Variants in PTPRE observed in about 807,000 individuals in gnomAD.
PTPRE encodes receptor-type tyrosine-protein phosphatase epsilon.
Under a neutral mutation model 102.0 loss-of-function variants are expected in PTPRE, and 51 were observed. The observed-to-expected ratio is 0.50, with a 90% confidence interval of 0.40 to 0.63. The LOEUF (loss-of-function observed/expected upper bound fraction) is 0.63, where lower values mean the gene tolerates loss of function less well. Ranked by LOEUF, PTPRE falls within the 30% of genes least tolerant of loss-of-function variation. The pLI, the probability that PTPRE is intolerant of heterozygous loss-of-function variation, is 0.00. For synonymous variants in PTPRE, 345 were observed against 348.2 expected, an observed-to-expected ratio of 0.99 and a Z score of 0.10; for missense variants, 752 against 915.1, an observed-to-expected ratio of 0.82 and a Z score of 2.30.
intron 1 of PTPRE, among the ~76,000 whole-genome samples, chr10:127,963,399 A>G (rs1252726306): frequency 1.9e-4 from 29 of 152,074 alleles, no homozygotes. Flanking sequence ...ACTGTATGTA[A>G]TTTACATCCT....
intron 1 of PTPRE, among the ~76,000 whole-genome samples, chr10:127,928,298 A>C (rs55638092): frequency 0.16 from 25,009 of 152,188 alleles, 3,219 homozygotes; most frequent in African/African-American, 0.36. Flanking sequence ...TTATCTGGTC[A>C]TCTCTGTGCC....
intron 1 of PTPRE, among the ~76,000 whole-genome samples, chr10:127,945,287 T>C (rs1429392860): frequency 1.3e-5 from 2 of 152,052 alleles, no homozygotes; most frequent in African/African-American, 4.8e-5. Flanking sequence ...GTGAGAGGGG[T>C]GACTTGCGGA....
chr10:128,077,830 C>T (rs1482598482), intron 19 of PTPRE, 47 bp downstream of exon 19: 3 of 1,547,542 alleles, frequency 1.9e-6, no homozygotes, highest in Admixed American at 1.8e-5. Context: ...ACACAGGCTG[C>T]ACCCCCCCAG....
chr10:127,909,123 C>G (rs1845689177), intron 1 of PTPRE, among the ~76,000 whole-genome samples: 1 of 152,204 alleles, frequency 6.6e-6, no homozygotes, highest in Admixed American at 6.5e-5. Flanking sequence ...ACCGCCACCT[C>G]CACGGAAGCC....
chr10:127,918,613 G>A (rs1208271988), intron 1 of PTPRE, among the ~76,000 whole-genome samples: 2 of 152,006 alleles, frequency 1.3e-5, no homozygotes, highest in Admixed American at 1.3e-4. Context: ...AATTATTGAA[G>A]GAGCTTGGGG....
intron 1 of PTPRE, among the ~76,000 whole-genome samples, chr10:127,940,625 A>C (rs1382694670): frequency 6.6e-6 from 1 of 152,194 alleles, no homozygotes; most frequent in African/African-American, 2.4e-5. Context: ...CACACAGCTG[A>C]GTCCCAGATG....
chr10:128,060,243 CCACACACACCACACACACAATA>C (rs1849445337), intron 7 of PTPRE, among the ~76,000 whole-genome samples: 1 of 150,062 alleles, frequency 6.7e-6, no homozygotes, highest in Non-Finnish European at 1.5e-5. Context: ...ACATACACAA[CCACACACACCACACACACAATA>C]CACACACACC....
intron 1 of PTPRE, among the ~76,000 whole-genome samples, chr10:127,977,391 A>C (rs144205671): frequency 2.6e-5 from 4 of 152,388 alleles, no homozygotes; most frequent in African/African-American, 7.2e-5. Flanking sequence ...ACATGTTAAA[A>C]TAAAATGTAA....
intron 2 of PTPRE, among the ~76,000 whole-genome samples, chr10:127,983,993 C>T (rs1419064447): frequency 6.6e-6 from 1 of 152,138 alleles, no homozygotes; most frequent in Non-Finnish European, 1.5e-5. Flanking sequence ...CTGCATCCAC[C>T]ACGGGTAGTT....
In PTPRE at chr10:128,003,864, AG is replaced by A. The variant is rs931535248; in HGVS notation, c.-8+21572del. Among the ~76,000 whole-genome samples the A allele has an allele frequency of 8.5e-4, 129 of 152,254 alleles. 1 individual carries two copies. The highest frequency in any genetic ancestry group is 3.0e-3 in the African/African-American group (125 of 41,546). On this transcript the variant is annotated intron_variant, in intron 2 of 20. Coordinates refer to ENST00000254667, the MANE Select transcript of PTPRE (RefSeq NM_006504.6). ...AAGTTTAGCAATTGGAAGCCTTTGC[AG>A]GGGCCTCATGGATGCCCATTCGGAT...
intron 1 of PTPRE, among the ~76,000 whole-genome samples, chr10:127,958,449 A>G (rs1849558294): frequency 6.6e-6 from 1 of 152,228 alleles, no homozygotes; most frequent in Non-Finnish European, 1.5e-5. Flanking sequence ...ATCTGTTGAT[A>G]TAATCTTGTG....
Position 128,076,731 on chromosome 10 carries a change from ATTG to A in PTPRE, c.1725+7_1725+9del, listed in dbSNP as rs1280991668. The A allele has an allele frequency of 6.2e-7, 1 of 1,611,004 alleles. No homozygotes were observed. Among genetic ancestry groups the A allele is most frequent in the Non-Finnish European group, 8.5e-7 (1 of 1,179,214 alleles). On this transcript the variant is annotated splice_donor_5th_base_variant and intron_variant, in intron 18 of 20. Coordinates refer to ENST00000254667, the MANE Select transcript of PTPRE (RefSeq NM_006504.6). ...ACTTTCTGGTCACTCTCAATCAGGT[ATTG>A]TTGAAGTAGCTCTTTAAACGCTTGT...
chr10:128,036,576 C>G (rs551643120), intron 2 of PTPRE, among the ~76,000 whole-genome samples: 41 of 152,196 alleles, frequency 2.7e-4, no homozygotes, highest in African/African-American at 9.4e-4. Flanking sequence ...CCTAGAGCCC[C>G]CATTGTCCTT....
chr10:127,973,029 G>A (rs1429943182), intron 1 of PTPRE, among the ~76,000 whole-genome samples: 1 of 152,224 alleles, frequency 6.6e-6, no homozygotes, highest in African/African-American at 2.4e-5. Flanking sequence ...TGGAAGAGGA[G>A]AGCTGACCTT....
At chr10:127,962,611 C>A (rs902471921) in intron 1 of PTPRE, among the ~76,000 whole-genome samples, 20 of 152,332 alleles carry the variant, frequency 1.3e-4, no homozygotes, top group African/African-American at 4.8e-4. Context: ...ACCACAGAGG[C>A]CTCAATGAAG....
chr10:128,005,084 T>G (rs1325614050), intron 2 of PTPRE, among the ~76,000 whole-genome samples: 4 of 152,208 alleles, frequency 2.6e-5, no homozygotes, highest in Non-Finnish European at 5.9e-5. Flanking sequence ...TTTGGGTTTA[T>G]TTGTCTTTTT....
At chr10:127,926,011 G>A (rs1469192688) in intron 1 of PTPRE, among the ~76,000 whole-genome samples, 2 of 152,216 alleles carry the variant, frequency 1.3e-5, no homozygotes, top group African/African-American at 4.8e-5. Flanking sequence ...CACTGGGTAA[G>A]CTTAATACCT....
At position 128,085,119 on chromosome 10, in the gene PTPRE, C is replaced by T. The variant is rs151117665; in HGVS notation, c.*2213C>T. ...CCCCAGGACGCAAGACTCTCCCCTC[C>T]ACTGTCCGGGACAGCGTTCGCCCTT... On this transcript the variant is annotated 3_prime_UTR_variant, in exon 21 of 21. Coordinates refer to ENST00000254667, the MANE Select transcript of PTPRE (RefSeq NM_006504.6). 5.3e-3 allele frequency: 2,402 copies of T among 456,084 alleles called. 29 individuals are homozygous for T. The highest frequency in any genetic ancestry group is 0.019 in the South Asian group (1,201 of 64,500). The allele number at this position is 456,084 out of a possible 1,614,324, so 28.3% of individuals were successfully genotyped here.
chr10:127,949,907 A>G (rs2135337970), intron 1 of PTPRE, among the ~76,000 whole-genome samples: 1 of 152,262 alleles, frequency 6.6e-6, no homozygotes, highest in African/African-American at 2.4e-5. Context: ...ATTTGCTAAA[A>G]GTGACCTCCC....
Sources: gnomAD v4.1 joint callset for allele counts (sites outside exome capture counted in the v4.1 genomes callset) on GRCh38, gnomAD v4.1.1 for gene constraint, MANE v1.5 for transcripts, NCBI Gene and HGNC (gene_info 2026-07-23, HGNC 2026-07-21) for gene names.